Variants in FLOT2 observed in about 807,000 individuals in gnomAD.
FLOT2 encodes flotillin-2.
FLOT2 carries 35 observed loss-of-function variants against 54.9 expected under a neutral mutation model. The ratio of observed to expected loss-of-function variants is 0.64; its 90% confidence interval spans 0.49 to 0.84. The LOEUF is 0.84. Ranked by LOEUF, FLOT2 falls within the 40% of genes least tolerant of loss-of-function variation. The pLI is 0.00. For missense variants in FLOT2, 464 were observed against 572.1 expected, an observed-to-expected ratio of 0.81 and a Z score of 1.93; for synonymous variants, 207 against 228.9, an observed-to-expected ratio of 0.90 and a Z score of 0.86.
At chr17:28,896,152 G>T (rs987768326) in intron 1 of FLOT2, among the ~76,000 whole-genome samples, 2 of 152,216 alleles carry the variant, frequency 1.3e-5, no homozygotes, top group Admixed American at 6.5e-5. Flanking sequence ...AGCTAACAGT[G>T]CATTGACTTC....
rs2039424597 is a variant in FLOT2 at position 28,880,313 on chromosome 17, A to C, written c.*248T>G. ...AAGAAAAAGACAGACAAAGGAAAAG[A>C]CACGCAGGGAGATGAGACACAAACC... On this transcript the variant is annotated 3_prime_UTR_variant, in exon 11 of 11. Transcript: ENST00000394908. 2 of 1,375,348 alleles carry C rather than the reference A, an allele frequency of 1.5e-6. No individual in the cohort carries two copies. Among genetic ancestry groups the C allele is most frequent in the Non-Finnish European group, 9.4e-7 (1 of 1,066,124 alleles). 85.2% of individuals were successfully genotyped at this position (1,375,348 alleles called of 1,614,324 possible). A position where few individuals can be genotyped will look rare whatever the true frequency, so the allele number is the denominator to read the frequency against.
intron 2 of FLOT2, among the ~76,000 whole-genome samples, chr17:28,885,340 G>T (rs1223332267): frequency 6.6e-6 from 1 of 152,194 alleles, no homozygotes; most frequent in African/African-American, 2.4e-5. Flanking sequence ...GAGGGAGGGG[G>T]TGAGAAAGAT....
At chr17:28,881,161 A>G (rs1185534524) in intron 9 of FLOT2, 31 bp downstream of exon 9, 1 of 1,597,296 alleles carries the variant, frequency 6.3e-7, no homozygotes, top group Non-Finnish European at 8.5e-7. Context: ...GGACACTTGA[A>G]CCCTAGGACC....
intron 1 of FLOT2, among the ~76,000 whole-genome samples, chr17:28,890,276 A>T (rs2039624466): frequency 6.6e-6 from 1 of 152,262 alleles, no homozygotes; most frequent in Non-Finnish European, 1.5e-5. Flanking sequence ...TGGTTCTTGG[A>T]AACAGTGTGT....
chr17:28,886,356 C>A (rs932833155), intron 2 of FLOT2, among the ~76,000 whole-genome samples: 14 of 152,342 alleles, frequency 9.2e-5, no homozygotes, highest in African/African-American at 3.4e-4. Flanking sequence ...CACAGGTAAA[C>A]CTGTGTTTCC....
chr17:28,888,944 C>T lies in FLOT2; in HGVS notation c.131+1G>A, dbSNP rs1393444580. 3 of 1,613,666 alleles carry T rather than the reference C, an allele frequency of 1.9e-6. No individual in the cohort carries two copies. Among genetic ancestry groups the T allele is most frequent in the Non-Finnish European group, 2.5e-6 (3 of 1,179,714 alleles). On this transcript the variant is annotated splice_donor_variant, in intron 2 of 10. Coordinates refer to ENST00000394908, the MANE Select transcript of FLOT2 (RefSeq NM_004475.3). LOFTEE classifies it high-confidence loss of function. The stretch of plus-strand genomic sequence containing the variant: ...AGGTCCTAGAGCCCCCAGGTGCTTA[C>T]CTCTGAGTGTCGGAGATACACCACC...
In FLOT2 at chr17:28,884,489, G is replaced by A. The variant is rs892992673; in HGVS notation, c.132-174C>T. On this transcript the variant is annotated intron_variant, in intron 2 of 10. Transcript: ENST00000394908. This position sits in a 1 kb window ranked among gnomAD's most constrained non-coding sequence, Gnocchi z 5.1. ...AGAAGGAGGTGGGCACGAGGGCAGGGTGGGTGCAGGTGGCCCCAGGGGAAG... is the reference window on the plus strand; with the variant it reads ...AGAAGGAGGTGGGCACGAGGGCAGGATGGGTGCAGGTGGCCCCAGGGGAAG... Among the ~76,000 whole-genome samples, 2 of 152,194 alleles carry A rather than the reference G, an allele frequency of 1.3e-5. No homozygotes were observed. The highest frequency in any genetic ancestry group is 2.9e-5 in the Non-Finnish European group (2 of 68,024).
chr17:28,892,079 A>C (rs766339985), intron 1 of FLOT2, among the ~76,000 whole-genome samples: 11 of 152,158 alleles, frequency 7.2e-5, no homozygotes, highest in Non-Finnish European at 1.5e-4. Flanking sequence ...GCTGCTGTTC[A>C]AGGTAAGCCA....
chr17:28,889,801 G>A (rs1292305886), intron 1 of FLOT2, among the ~76,000 whole-genome samples: 3 of 151,724 alleles, frequency 2.0e-5, no homozygotes, highest in Non-Finnish European at 2.9e-5. Flanking sequence ...CATCATGCCC[G>A]TCTAATTTTT....
chr17:28,881,752 G>T, intron 8 of FLOT2, 62 bp downstream of exon 8: 1 of 1,429,074 alleles, frequency 7.0e-7, no homozygotes, highest in Non-Finnish European at 9.8e-7. Context: ...AGAGTAGAGG[G>T]AGTGCACTGA....
Position 28,882,913 on chromosome 17 carries a change from G to A in FLOT2, c.346+195C>T, listed in dbSNP as rs1373533929. 6.1e-6 allele frequency: 4 copies of A among 652,824 alleles called. No homozygotes were observed. Among genetic ancestry groups the A allele is most frequent in the African/African-American group, 1.8e-5 (1 of 54,764 alleles). 40.4% of individuals were successfully genotyped at this position (652,824 alleles called of 1,614,324 possible). ...GCAGCACTAGGTTCCTGAGCAGACC[G>A]ACAGCCCCCATCCCACCCCTTCACT... On this transcript the variant is annotated intron_variant, in intron 4 of 10. Coordinates refer to ENST00000394908, the MANE Select transcript of FLOT2 (RefSeq NM_004475.3). This position sits in a 1 kb window ranked among gnomAD's most constrained non-coding sequence, Gnocchi z 5.6.
chr17:28,881,376 C>G lies in FLOT2; in HGVS notation c.915-1G>C, dbSNP rs1400094486. The G allele has an allele frequency of 6.2e-7, 1 of 1,610,360 alleles. No homozygotes were observed. On this transcript the variant is annotated splice_acceptor_variant, in intron 8 of 10. Transcript: ENST00000394908. LOFTEE classifies it high-confidence loss of function. ...CTGTGCCAAGAGGACCTGCTTCACC[C>G]TGGGGGAGCCCAGGCCAGTTAGGAT...
chr17:28,882,511 T>G lies in FLOT2; in HGVS notation c.466-61A>C. The G allele has an allele frequency of 2.5e-6, 4 of 1,590,000 alleles. No homozygotes were observed. The South Asian group carries it at 3.3e-5, about 13-fold the overall frequency. On this transcript the variant is annotated intron_variant, in intron 5 of 10. Transcript: ENST00000394908. This position sits in a 1 kb window ranked among gnomAD's most constrained non-coding sequence, Gnocchi z 5.6. The stretch of plus-strand genomic sequence containing the variant: ...GCAGCCAGAGGCACAAAGGTGCCCC[T>G]CTAACAAAGCCACCATCTCCCAGAT...
rs1252397193 is a variant in FLOT2 at position 28,884,334 on chromosome 17, CAG to C, written c.132-21_132-20del. On this transcript the variant is annotated intron_variant, in intron 2 of 10. Coordinates refer to ENST00000394908, the MANE Select transcript of FLOT2 (RefSeq NM_004475.3). This position sits in a 1 kb window ranked among gnomAD's most constrained non-coding sequence, Gnocchi z 5.1. ...GGAAATCCTGCCAAGAAACGCAAAA[CAG>C]GGGCATGGGTCTGGGGGCGCAGGGC... 3 of 1,567,146 alleles carry C rather than the reference CAG, an allele frequency of 1.9e-6. No homozygotes were observed. Among genetic ancestry groups the C allele is most frequent in the South Asian group, 2.3e-5 (2 of 88,246 alleles).
intron 2 of FLOT2, among the ~76,000 whole-genome samples, chr17:28,887,502 A>G (rs1260548263): frequency 1.3e-5 from 2 of 152,166 alleles, no homozygotes; most frequent in Admixed American, 6.5e-5. Flanking sequence ...AAGGCCCTTC[A>G]CCTTTAACTT....
At chr17:28,886,797 G>C (rs905654563) in intron 2 of FLOT2, among the ~76,000 whole-genome samples, 1 of 152,154 alleles carries the variant, frequency 6.6e-6, no homozygotes, top group East Asian at 1.9e-4. Flanking sequence ...GGTGGAGGGG[G>C]TGATAAGGAG....
At position 28,882,164 on chromosome 17, in the gene FLOT2, G is replaced by A. The variant is rs1171846500; in HGVS notation, c.653C>T (p.Ala218Val). Residue 218 changes from alanine to valine, a missense_variant, in exon 7 of 11, where the codon GCC (alanine) becomes GTC (valine). Physicochemically the swap from Ala to Val is moderately conservative, Grantham distance 64. Coordinates refer to ENST00000394908, the MANE Select transcript of FLOT2 (RefSeq NM_004475.3). This position sits in a 1 kb window ranked among gnomAD's most constrained non-coding sequence, Gnocchi z 5.6. Reference protein sequence around the residue: ...ADTKIADSKRAFELQKSAFSE... With the variant: ...ADTKIADSKRVFELQKSAFSE... ...GAAGGCTGACTTTTGCAGCTCGAAG[G>A]CTCGCTTAGAGTCAGCAATCTTGGT... 1.2e-6 allele frequency: 2 copies of A among 1,614,006 alleles called. No individual in the cohort carries two copies. The highest frequency in any genetic ancestry group is 2.2e-5 in the East Asian group (1 of 44,880).
At chr17:28,881,673 TATCCTCA>T in intron 8 of FLOT2, 134 bp downstream of exon 8, 1 of 771,820 alleles carries the variant, frequency 1.3e-6, no homozygotes, top group Non-Finnish European at 2.1e-6. Flanking sequence ...GACATGGGGT[TATCCTCA>T]CTTCACAGTG....
Position 28,888,927 on chromosome 17 carries a change from G to T in FLOT2, c.131+18C>A, listed in dbSNP as rs772813636. On this transcript the variant is annotated intron_variant, in intron 2 of 10. Transcript: ENST00000394908. Reference sequence around the variant, plus strand: ...CTGGCCCACTCCATGACAGGTCCTAGAGCCCCCAGGTGCTTACCTCTGAGT... The same window carrying T: ...CTGGCCCACTCCATGACAGGTCCTATAGCCCCCAGGTGCTTACCTCTGAGT... 1.7e-5 allele frequency: 27 copies of T among 1,609,154 alleles called. No homozygotes were observed. Among genetic ancestry groups the T allele is most frequent in the Middle Eastern group, 3.3e-4 (2 of 6,052 alleles).
Sources: allele counts gnomAD v4.1 joint callset (sites outside exome capture counted in the v4.1 genomes callset), GRCh38; gene constraint gnomAD v4.1.1; non-coding constraint Gnocchi (gnomAD v3.1); transcripts MANE v1.5; gene names NCBI Gene and HGNC (gene_info 2026-07-23, HGNC 2026-07-21).